PHACTR2: variants seen among roughly 807,000 people sequenced by gnomAD.
PHACTR2 encodes the protein chromosome 6 open reading frame 56.
Under a neutral mutation model 76.0 loss-of-function variants are expected in PHACTR2, and 30 were observed. The observed-to-expected ratio is 0.39, with a 90% CI of 0.30 to 0.54. The LOEUF is 0.54. Among genes scored for constraint, PHACTR2 ranks in the 20% least tolerant of loss-of-function variants. The probability of loss-of-function intolerance (pLI) is 0.61; values close to 1 mark genes in which losing one functional copy is unlikely to be tolerated. For synonymous variants in PHACTR2, 292 were observed against 292.5 expected (o/e 1.00, Z 0.02); for missense variants, 696 against 781.1 (o/e 0.89, Z 1.30).
In PHACTR2 at chr6:143,696,982, A is replaced by G. The variant is rs12530178; in HGVS notation, c.47-15034A>G. On this transcript the variant is annotated intron_variant, in intron 1 of 12. Coordinates refer to ENST00000440869, the MANE Select transcript of PHACTR2 (RefSeq NM_001100164.2). The surrounding 1 kb of genome is among the most constrained non-coding windows in gnomAD (Gnocchi z 4.1). ...GATTCCTCGTCATTGAACATGTTAC[A>G]TTGTAGAGTCAGATGTTTGCCACCA... is the stretch of plus-strand genomic sequence containing the variant. Among the ~76,000 whole-genome samples the G allele has an allele frequency of 0.18, 27,904 of 152,148 alleles. 2,937 individuals are homozygous for G. Among genetic ancestry groups the G allele is most frequent in the Middle Eastern group, 0.28 (82 of 294 alleles).
rs376423954 is a variant in PHACTR2 at position 143,571,635 on chromosome 6, C to A, written c.217+34428C>A. ...TGCTATGTTTCCCAGGCCGGTCAAT[C>A]ATCACTCATTTTGTTGCCCACATTG... is the stretch of plus-strand genomic sequence containing the variant. On this transcript the variant is annotated intron_variant, in intron 1 of 11. Coordinates refer to the PHACTR2 transcript ENST00000367584. This position sits in a 1 kb window ranked among gnomAD's most constrained non-coding sequence, Gnocchi z 4.6. 6.4e-4 allele frequency among the ~76,000 whole-genome samples: 97 copies of A among 152,154 alleles called. 1 individual carries two copies. The Middle Eastern group carries it at 0.01, about 16-fold the overall frequency.
Position 143,663,143 on chromosome 6 carries a change from T to C in PHACTR2, c.14-48873T>C, listed in dbSNP as rs547538077. The stretch of plus-strand genomic sequence containing the variant: ...AGCACCTAGGTTGATTCCATGTCTC[T>C]GCTATTGTGAATAGCACAGTGATGA... On this transcript the variant is annotated intron_variant, in intron 1 of 11. Transcript: ENST00000305766. This position sits in a 1 kb window ranked among gnomAD's most constrained non-coding sequence, Gnocchi z 4.1. 1.3e-4 allele frequency among the ~76,000 whole-genome samples: 20 copies of C among 152,348 alleles called. 1 individual carries two copies. In the East Asian group the frequency reaches 3.9e-3, roughly 29 times the overall value.
At chr6:143,666,236 C>T (rs1002568754) in intron 1 of PHACTR2, among the ~76,000 whole-genome samples, 6 of 152,174 alleles carry the variant, frequency 3.9e-5, no homozygotes. Flanking sequence ...CATAGTATTC[C>T]ATGGTGTATA....
rs1776658761 is a variant in PHACTR2, at chr6:143,831,054, T to C, written c.*7365T>C. 6.6e-6 allele frequency: 1 copy of C among 152,054 alleles called. No individual in the cohort carries two copies. Among genetic ancestry groups the C allele is most frequent in the Non-Finnish European group, 1.5e-5 (1 of 68,002 alleles). 9.4% of individuals were successfully genotyped at this position (152,054 alleles called of 1,614,324 possible). On this transcript the variant is annotated 3_prime_UTR_variant, in exon 13 of 13. Coordinates refer to ENST00000440869, the MANE Select transcript of PHACTR2 (RefSeq NM_001100164.2). The surrounding 1 kb of genome is among the most constrained non-coding windows in gnomAD (Gnocchi z 5.2). The stretch of plus-strand genomic sequence containing the variant: ...TGCTCTTAAAAGAAACTTCCAGTAT[T>C]TTTTTTAACTTGCTATCTTTTTATG...
chr6:143,627,012 G>A lies in PHACTR2; in HGVS notation c.13+18690G>A, dbSNP rs1465389112. ...TAGTGCTTTCCTTTGCCAACTTGGC[G>A]CTTCCTGCTCAGTGTATGTCAATAG... is the stretch of plus-strand genomic sequence containing the variant. On this transcript the variant is annotated intron_variant, in intron 1 of 11. Transcript: ENST00000305766. The surrounding 1 kb of genome is among the most constrained non-coding windows in gnomAD (Gnocchi z 4.3). Among the ~76,000 whole-genome samples, 3 of 152,208 alleles carry A rather than the reference G, an allele frequency of 2.0e-5. No individual in the cohort carries two copies.
rs1349789675 is a variant in PHACTR2, at chr6:143,619,321, ATGATTCCTCTACGCCCTGG to A, written c.13+11003_13+11021del. 6.6e-6 allele frequency among the ~76,000 whole-genome samples: 1 copy of A among 152,236 alleles called. No individual in the cohort carries two copies. The highest frequency in any genetic ancestry group is 6.5e-5 in the Admixed American group (1 of 15,282). ...GGTACTTTTAAGAAATGCTTCACAG[ATGATTCCTCTACGCCCTGG>A]TGAGACCCATTATCGGTCTAAGAAA... On this transcript the variant is annotated intron_variant, in intron 1 of 11. Transcript: ENST00000305766. This position sits in a 1 kb window ranked among gnomAD's most constrained non-coding sequence, Gnocchi z 4.5.
Position 143,767,833 on chromosome 6 carries a change from TG to T in PHACTR2, c.1232+2036del. ...CTTTCACACTGAGGATGAAGGTTTT[TG>T]TTTTGTTTTGTTTTGTTTTTTGAGA... is the stretch of plus-strand genomic sequence containing the variant. On this transcript the variant is annotated intron_variant, in intron 6 of 12. Transcript: ENST00000440869. This position sits in a 1 kb window ranked among gnomAD's most constrained non-coding sequence, Gnocchi z 4.4. Among the ~76,000 whole-genome samples, 1 of 151,342 alleles carries T rather than the reference TG, an allele frequency of 6.6e-6. No individual in the cohort carries two copies.
At chr6:143,749,209 G>C (rs942869657) in intron 3 of PHACTR2, 144 bp downstream of exon 3, 1 of 594,782 alleles carries the variant, frequency 1.7e-6, no homozygotes, top group Non-Finnish European at 3.0e-6. Flanking sequence ...GCTTCCATTG[G>C]TAATGCCTTT....
rs991017742 is a variant in PHACTR2, at chr6:143,784,594, G to A, written c.1707+1314G>A. On this transcript the variant is annotated intron_variant, in intron 10 of 12. Coordinates refer to ENST00000440869, the MANE Select transcript of PHACTR2 (RefSeq NM_001100164.2). The surrounding 1 kb of genome is among the most constrained non-coding windows in gnomAD (Gnocchi z 4.5). The stretch of plus-strand genomic sequence containing the variant: ...GAAAAGCTATGGGACTATGTTGAAA[G>A]TGTTTGGTTCTGTTTTTCAAGGAAA... 1.1e-4 allele frequency among the ~76,000 whole-genome samples: 16 copies of A among 152,190 alleles called. No homozygotes were observed. The highest frequency in any genetic ancestry group is 3.9e-4 in the African/African-American group (16 of 41,442).
chr6:143,736,862 A>C lies in PHACTR2; in HGVS notation c.215-12123A>C, dbSNP rs531275898. Among the ~76,000 whole-genome samples the C allele has an allele frequency of 4.0e-4, 61 of 151,742 alleles. No individual in the cohort carries two copies. The East Asian group carries it at 6.8e-3, about 17-fold the overall frequency. ...GTGCTGGGATTACTGGCGTGAGCCAACACGTCCGGCCTACAAGATATTTTA... is the reference window on the plus strand; with the variant it reads ...GTGCTGGGATTACTGGCGTGAGCCACCACGTCCGGCCTACAAGATATTTTA... On this transcript the variant is annotated intron_variant, in intron 2 of 12. Coordinates refer to ENST00000440869, the MANE Select transcript of PHACTR2 (RefSeq NM_001100164.2).
rs77054198 is a variant in PHACTR2 at position 143,589,871 on chromosome 6, C to G, written c.217+52664C>G. On this transcript the variant is annotated intron_variant, in intron 1 of 11. Transcript: ENST00000367584. The surrounding 1 kb of genome is among the most constrained non-coding windows in gnomAD (Gnocchi z 4.4). ...TACACATCCCAGCTCATTCTAGAACCAGGCAAGGATAATAGGAGAAGGGAA... is the reference window on the plus strand; with the variant it reads ...TACACATCCCAGCTCATTCTAGAACGAGGCAAGGATAATAGGAGAAGGGAA... Among the ~76,000 whole-genome samples the G allele has an allele frequency of 4.6e-3, 708 of 152,280 alleles. 6 individuals carry two copies. The highest frequency in any genetic ancestry group is 0.016 in the African/African-American group (668 of 41,550).
rs983626295 is a variant in PHACTR2, at chr6:143,570,943, T to C, written c.217+33736T>C. On this transcript the variant is annotated intron_variant, in intron 1 of 11. Transcript: ENST00000367584. The surrounding 1 kb of genome is among the most constrained non-coding windows in gnomAD (Gnocchi z 4.6). ...GTGATCGATGTTTATCAAATGCCCC[T>C]GAGACTCGAAGACGCAAATTATATT... Among the ~76,000 whole-genome samples, 1 of 152,184 alleles carries C rather than the reference T, an allele frequency of 6.6e-6. No individual in the cohort carries two copies. Among genetic ancestry groups the C allele is most frequent in the African/African-American group, 2.4e-5 (1 of 41,442 alleles).
intron 2 of PHACTR2, among the ~76,000 whole-genome samples, chr6:143,746,582 G>A (rs2128469280): frequency 6.6e-6 from 1 of 152,248 alleles, no homozygotes; most frequent in South Asian, 2.1e-4. Flanking sequence ...AACTGTTGGA[G>A]GAGGTCTACA....
rs3221843 is a variant in PHACTR2, at chr6:143,560,879, A to AGG, written c.217+23675_217+23676dup. Among the ~76,000 whole-genome samples the AGG allele has an allele frequency of 8.5e-4, 109 of 128,394 alleles. 1 individual carries two copies. Among genetic ancestry groups the AGG allele is most frequent in the African/African-American group, 2.5e-3 (82 of 33,048 alleles). The allele number at this position is 128,394 out of a possible 152,430, so 84.2% of individuals were successfully genotyped here. A position where few individuals can be genotyped will look rare whatever the true frequency, so the allele number is the denominator to read the frequency against. On this transcript the variant is annotated intron_variant, in intron 1 of 11. Transcript: ENST00000367584. ...GATTGGGATATAAAATGCAAAGCAG[A>AGG]GGGGTGTGTGTGTGTGTGTGTGTGT...
chr6:143,818,965 G>A lies in PHACTR2; in HGVS notation c.1923-4709G>A, dbSNP rs867320974. Among the ~76,000 whole-genome samples the A allele has an allele frequency of 7.2e-5, 11 of 152,104 alleles. No homozygotes were observed. The highest frequency in any genetic ancestry group is 3.2e-3 in the Middle Eastern group (1 of 316). On this transcript the variant is annotated intron_variant, in intron 12 of 12. Transcript: ENST00000440869. This position sits in a 1 kb window ranked among gnomAD's most constrained non-coding sequence, Gnocchi z 4.9. ...ATAGAACTTCCATATTTTGCTTCAG[G>A]TTGTGGTTGACTCTTCCTAGAAAAC...
In PHACTR2 at chr6:143,806,903, G is replaced by A. The variant is rs1227949348; in HGVS notation, c.1846-154G>A. Reference sequence around the variant, plus strand: ...GCCCAGGAGTTTGAGGCTGCAATGAGCCATGATCTCGCCACTCCACTCCAG... The same window carrying A: ...GCCCAGGAGTTTGAGGCTGCAATGAACCATGATCTCGCCACTCCACTCCAG... On this transcript the variant is annotated intron_variant, in intron 11 of 12. Transcript: ENST00000440869. This position sits in a 1 kb window ranked among gnomAD's most constrained non-coding sequence, Gnocchi z 5.8. 6.6e-6 allele frequency among the ~76,000 whole-genome samples: 1 copy of A among 151,354 alleles called. No homozygotes were observed. Among genetic ancestry groups the A allele is most frequent in the Non-Finnish European group, 1.5e-5 (1 of 67,956 alleles).
rs1445212807 is a variant in PHACTR2, at chr6:143,765,350, A to G, written c.784A>G (p.Lys262Glu). 2 of 1,614,184 alleles carry G rather than the reference A, an allele frequency of 1.2e-6. No homozygotes were observed. The highest frequency in any genetic ancestry group is 1.7e-6 in the Non-Finnish European group (2 of 1,180,024). The change falls in exon 6 of 13, where the codon AAG becomes GAG. Residue 262 changes from lysine to glutamate, a missense_variant. Lys to Glu is a moderately conservative substitution (Grantham distance 56). Transcript: ENST00000440869. The surrounding 1 kb of genome is among the most constrained non-coding windows in gnomAD (Gnocchi z 4.1). Reference protein sequence around the residue: ...SSTSSRPKASKETVSSKAGTV... With the variant: ...SSTSSRPKASEETVSSKAGTV... Reference sequence around the variant, plus strand: ...CACCTCATCTCGTCCCAAAGCTTCAAAGGAGACAGTTTCTAGCAAAGCAGG... The same window carrying G: ...CACCTCATCTCGTCCCAAAGCTTCAGAGGAGACAGTTTCTAGCAAAGCAGG...
rs1230453695 is a variant in PHACTR2 at position 143,738,390 on chromosome 6, A to AC, written c.215-10589dup. Among the ~76,000 whole-genome samples, 13 of 151,452 alleles carry AC rather than the reference A, an allele frequency of 8.6e-5. No homozygotes were observed. Among genetic ancestry groups the AC allele is most frequent in the East Asian group, 3.9e-4 (2 of 5,114 alleles). On this transcript the variant is annotated intron_variant, in intron 2 of 12. Transcript: ENST00000440869. The surrounding 1 kb of genome is among the most constrained non-coding windows in gnomAD (Gnocchi z 4.0). ...AAAAGATTATACATTTTTTTTCATG[A>AC]CCCCCCTGAAAAGATCAACCTAAAA...
Position 143,755,267 on chromosome 6 carries a change from A to G in PHACTR2, c.454+1355A>G. 2.2e-6 allele frequency: 1 copy of G among 456,046 alleles called. No homozygotes were observed. The highest frequency in any genetic ancestry group is 1.5e-5 in the South Asian group (1 of 64,558). The allele number at this position is 456,046 out of a possible 1,614,324, so 28.2% of individuals were successfully genotyped here. ...GTTGAAAGTATTAACGCAAGTAGTG[A>G]TGTTTTTTGTTTAAGTCTTTCTGTC... On this transcript the variant is annotated intron_variant, in intron 4 of 12. Transcript: ENST00000440869. The surrounding 1 kb of genome is among the most constrained non-coding windows in gnomAD (Gnocchi z 5.2).
Sources: allele counts gnomAD v4.1 joint callset (sites outside exome capture counted in the v4.1 genomes callset), GRCh38; gene constraint gnomAD v4.1.1; non-coding constraint Gnocchi (gnomAD v3.1); transcripts MANE v1.5; gene names NCBI Gene and HGNC (gene_info 2026-07-23, HGNC 2026-07-21).